HADHA: variants seen among roughly 807,000 people sequenced by gnomAD.
HADHA encodes the protein hydroxyacyl-CoA dehydrogenase trifunctional multienzyme complex subunit alpha, also known as trifunctional enzyme subunit alpha, mitochondrial.
Under a neutral mutation model 91.3 loss-of-function variants are expected in HADHA, and 59 were observed. The observed-to-expected ratio is 0.65, with a 90% CI of 0.52 to 0.80. The LOEUF (loss-of-function observed/expected upper bound fraction) is 0.80. Ranked by LOEUF, HADHA falls within the 30% of genes least tolerant of loss-of-function variation. The pLI is 0.00. For synonymous variants in HADHA, 320 were observed against 338.9 expected (o/e 0.94, Z 0.61); for missense variants, 800 against 927.6 (o/e 0.86, Z 1.79).
In HADHA at chr2:26,215,148, C is replaced by G; in HGVS notation, c.704G>C (p.Arg235Pro). The G allele has an allele frequency of 6.2e-7, 1 of 1,611,272 alleles. No individual in the cohort carries two copies. The highest frequency in any genetic ancestry group is 8.5e-7 in the Non-Finnish European group (1 of 1,177,438). ...LGPGLKPPEERTIEYLEEVAI... is the reference protein window; with the variant it reads ...LGPGLKPPEEPTIEYLEEVAI... ...AACTTCTTCTAGGTATTCTATTGTC[C>G]GTTCCTCTGGAGGTTTTAGTCCTGG... is the stretch of plus-strand genomic sequence containing the variant. Residue 235 changes from arginine to proline, a missense_variant, in exon 8 of 20, where the codon CGG becomes CCG. Coordinates refer to ENST00000380649, the MANE Select transcript of HADHA (RefSeq NM_000182.5).
chr2:26,204,651 T>C (rs1669929922), intron 11 of HADHA, among the ~76,000 whole-genome samples: 1 of 152,174 alleles, frequency 6.6e-6, no homozygotes, highest in Non-Finnish European at 1.5e-5. Flanking sequence ...GGTGCAATCC[T>C]AGGTTTACTG....
chr2:26,230,344 T>C, intron 6 of HADHA, 50 bp from the exon 7 acceptor site: 2 of 1,042,296 alleles, frequency 1.9e-6, no homozygotes, highest in Non-Finnish European at 3.0e-6. Flanking sequence ...ATCAGGGTGA[T>C]AATTATATAG....
At chr2:26,212,780 C>T (rs1443978229) in intron 9 of HADHA, among the ~76,000 whole-genome samples, 154 bp from the exon 10 acceptor site, 1 of 152,226 alleles carries the variant, frequency 6.6e-6, no homozygotes, top group African/African-American at 2.4e-5. Context: ...GATCTGGCTG[C>T]TCTCGACTGA....
At chr2:26,227,511 C>CAA (rs71399373) in intron 7 of HADHA, among the ~76,000 whole-genome samples, 2 of 141,852 alleles carry the variant, frequency 1.4e-5, no homozygotes, top group African/African-American at 5.2e-5. Context: ...GACTTTGTCT[C>CAA]AAAAAAAAAA....
rs1190508719 is a variant in HADHA at position 26,215,234 on chromosome 2, GA to G, written c.677-60del. The G allele has an allele frequency of 7.1e-6, 11 of 1,545,286 alleles. No individual in the cohort carries two copies. In the Admixed American group the frequency reaches 1.3e-4, roughly 19 times the overall value. On this transcript the variant is annotated intron_variant, in intron 7 of 19. Coordinates refer to ENST00000380649, the MANE Select transcript of HADHA (RefSeq NM_000182.5). ...CAGGCTTAGACCAGTCCCAGGTAGT[GA>G]AAAACCCAGACTTGCCAAAGCCAAA...
chr2:26,195,282 C>A, intron 14 of HADHA, 50 bp from the exon 15 acceptor site: 1 of 1,517,660 alleles, frequency 6.6e-7, no homozygotes, highest in East Asian at 2.2e-5. Context: ...GGGTGAGGAA[C>A]CTGAGAGCAT....
Position 26,229,920 on chromosome 2 carries a change from C to T in HADHA, c.676+272G>A, listed in dbSNP as rs551890398. On this transcript the variant is annotated intron_variant, in intron 7 of 19. Transcript: ENST00000380649. This position sits in a 1 kb window ranked among gnomAD's most constrained non-coding sequence, Gnocchi z 4.3. ...TGGCTCACTGCAACCTCAGCCCCGC[C>T]AGGTTCAAGCGATCCTCCTGCCTCA... Among the ~76,000 whole-genome samples the T allele has an allele frequency of 1.3e-5, 2 of 152,306 alleles. No homozygotes were observed. Among genetic ancestry groups the T allele is most frequent in the African/African-American group, 2.4e-5 (1 of 41,560 alleles).
At position 26,234,396 on chromosome 2, in the gene HADHA, A is replaced by G. The variant is rs183112761; in HGVS notation, c.315-41T>C. The G allele has an allele frequency of 1.6e-4, 247 of 1,575,946 alleles. 1 individual carries two copies. The highest frequency in any genetic ancestry group is 1.5e-3 in the African/African-American group (114 of 74,310). ...AAGTAGAGAACAGAGAAAAAGATAA[A>G]ACTATAATTTATTTGGTTCAATACT... On this transcript the variant is annotated intron_variant, in intron 4 of 19. Coordinates refer to ENST00000380649, the MANE Select transcript of HADHA (RefSeq NM_000182.5).
chr2:26,204,678 G>C (rs1359857903), intron 11 of HADHA, among the ~76,000 whole-genome samples: 1 of 152,034 alleles, frequency 6.6e-6, no homozygotes, highest in African/African-American at 2.4e-5. Context: ...TGAACTCCTG[G>C]GTACAAGTGA....
chr2:26,214,830 G>C lies in HADHA; in HGVS notation c.799+223C>G, dbSNP rs1444393740. 7.9e-5 allele frequency among the ~76,000 whole-genome samples: 12 copies of C among 152,010 alleles called. No individual in the cohort carries two copies. Among genetic ancestry groups the C allele is most frequent in the Admixed American group, 7.9e-4 (12 of 15,258 alleles). The stretch of plus-strand genomic sequence containing the variant: ...TGCTTAACATTTTCTAAAATGAAAA[G>C]TTTTCTATGACTCAAGGGTCATCAT... On this transcript the variant is annotated intron_variant, in intron 8 of 19. Transcript: ENST00000380649. The surrounding 1 kb of genome is among the most constrained non-coding windows in gnomAD (Gnocchi z 4.1).
chr2:26,211,438 T>C (rs903436354), intron 10 of HADHA, among the ~76,000 whole-genome samples: 28 of 152,268 alleles, frequency 1.8e-4, no homozygotes, highest in African/African-American at 5.5e-4. Context: ...CATGATGTCA[T>C]GGGCAAGATA....
chr2:26,238,770 C>T (rs1179445050), intron 3 of HADHA, among the ~76,000 whole-genome samples, 164 bp downstream of exon 3: 1 of 152,160 alleles, frequency 6.6e-6, no homozygotes, highest in Non-Finnish European at 1.5e-5. Flanking sequence ...AAAACTGGCT[C>T]CCTTGGCAAT....
chr2:26,197,825 G>T (rs1574605459), intron 13 of HADHA, 48 bp from the exon 14 acceptor site: 1 of 933,986 alleles, frequency 1.1e-6, no homozygotes, highest in South Asian at 1.3e-5. Context: ...CCTGGGAGAT[G>T]ATTAGAGGCC....
Position 26,232,143 on chromosome 2 carries a change from G to C in HADHA, c.573+17C>G, listed in dbSNP as rs775345097. On this transcript the variant is annotated intron_variant, in intron 6 of 19. Coordinates refer to ENST00000380649, the MANE Select transcript of HADHA (RefSeq NM_000182.5). ...TAAAGAGGGCATATAGCTTCACAAA[G>C]GGGATGTTAGACTCACCATTTTGGG... 1 of 1,597,066 alleles carries C rather than the reference G, an allele frequency of 6.3e-7. No individual in the cohort carries two copies. Among genetic ancestry groups the C allele is most frequent in the Non-Finnish European group, 8.6e-7 (1 of 1,164,518 alleles).
chr2:26,202,077 G>C (rs1485194190), intron 12 of HADHA, among the ~76,000 whole-genome samples: 4 of 152,004 alleles, frequency 2.6e-5, no homozygotes, highest in African/African-American at 9.7e-5. Flanking sequence ...GGGATTATAG[G>C]CGTGAGCCAC....
At chr2:26,213,013 G>C (rs1247377529) in intron 9 of HADHA, among the ~76,000 whole-genome samples, 1 of 152,082 alleles carries the variant, frequency 6.6e-6, no homozygotes, top group African/African-American at 2.4e-5. Context: ...TGTAACATTT[G>C]GGGTAAGTAC....
At chr2:26,222,239 G>C (rs1248801158) in intron 7 of HADHA, among the ~76,000 whole-genome samples, 2 of 152,234 alleles carry the variant, frequency 1.3e-5, no homozygotes, top group South Asian at 2.1e-4. Context: ...AAGCCAAAGA[G>C]AGATGCCTCA....
At chr2:26,208,679 A>AAT (rs1670024305) in intron 11 of HADHA, among the ~76,000 whole-genome samples, 1 of 152,136 alleles carries the variant, frequency 6.6e-6, no homozygotes. Flanking sequence ...AGAATGTGTA[A>AAT]AGAGATACAG....
Position 26,191,387 on chromosome 2 carries a change from G to A in HADHA, c.2155C>T (p.Arg719Cys), listed in dbSNP as rs912599402. Residue 719 changes from arginine (R) to cysteine (C), a missense_variant, in exon 20 of 20, where the codon CGC (arginine) becomes TGC (cysteine). Coordinates refer to ENST00000380649, the MANE Select transcript of HADHA (RefSeq NM_000182.5). ...TGGGCGCCATACAGATCCACAAAGC[G>A]GAAAGGCCCTGAATAGAGAAAGAGG... ...GFPPCLGGPF[R>C]FVDLYGAQKI... 4.3e-6 allele frequency: 7 copies of A among 1,614,042 alleles called. No individual in the cohort carries two copies. The highest frequency in any genetic ancestry group is 2.2e-5 in the East Asian group (1 of 44,898).
Sources: gnomAD v4.1 joint callset for allele counts (sites outside exome capture counted in the v4.1 genomes callset) on GRCh38, gnomAD v4.1.1 for gene constraint, Gnocchi (gnomAD v3.1) non-coding constraint, MANE v1.5 for transcripts, NCBI Gene and HGNC (gene_info 2026-07-23, HGNC 2026-07-21) for gene names.